Variants in WDFY3 observed in about 807,000 individuals in gnomAD.
WDFY3 encodes the protein WD repeat and FYVE domain-containing protein 3.
Under a neutral mutation model 409.6 loss-of-function variants are expected in WDFY3, and 66 were observed. The ratio of observed to expected loss-of-function variants is 0.16; its 90% CI spans 0.13 to 0.20. The LOEUF is 0.20. Ranked by LOEUF, WDFY3 falls within the 10% of genes least tolerant of loss-of-function variation. WDFY3 has a pLI of 1.00. For missense variants in WDFY3, 3,031 were observed against 4,298.1 expected (o/e 0.71, Z 8.24); for synonymous variants, 1,521 against 1,537.1 (o/e 0.99, Z 0.25).
At chr4:84,863,778 A>G (rs976181092) in intron 3 of WDFY3, among the ~76,000 whole-genome samples, 3 of 152,156 alleles carry the variant, frequency 2.0e-5, no homozygotes, top group Non-Finnish European at 2.9e-5. Flanking sequence ...AGTTTTCCCA[A>G]CACCATTTAT....
intron 1 of WDFY3, among the ~76,000 whole-genome samples, chr4:84,956,174 C>A (rs1774215987): frequency 6.6e-6 from 1 of 152,160 alleles, no homozygotes; most frequent in East Asian, 1.9e-4. Context: ...GGAAGCTGGG[C>A]CTGGTATTAA....
chr4:84,741,001 C>A (rs1738312775), intron 38 of WDFY3, among the ~76,000 whole-genome samples: 1 of 152,112 alleles, frequency 6.6e-6, no homozygotes. Flanking sequence ...TTGTGCCAAA[C>A]CAGGCCAAAC....
intron 15 of WDFY3, among the ~76,000 whole-genome samples, chr4:84,807,519 G>A (rs1751715631): frequency 6.6e-6 from 1 of 152,046 alleles, no homozygotes; most frequent in Non-Finnish European, 1.5e-5. Context: ...CAACAATATA[G>A]CAGAACCTTG....
intron 1 of WDFY3, among the ~76,000 whole-genome samples, chr4:84,957,099 T>C (rs1044302171): frequency 2.6e-5 from 4 of 151,140 alleles, no homozygotes; most frequent in Non-Finnish European, 4.4e-5. Context: ...TATAGAGATA[T>C]AAAACCAAGG....
chr4:84,862,434 T>C (rs1760773938), intron 3 of WDFY3, among the ~76,000 whole-genome samples: 1 of 152,232 alleles, frequency 6.6e-6, no homozygotes, highest in Non-Finnish European at 1.5e-5. Context: ...ATGTATCTTA[T>C]TCTTGAAAAA....
intron 2 of WDFY3, among the ~76,000 whole-genome samples, chr4:84,901,125 C>A (rs1766283738): frequency 1.3e-5 from 2 of 152,108 alleles, no homozygotes; most frequent in South Asian, 4.2e-4. Context: ...CATAAAGGCT[C>A]GTTTAGAAGG....
chr4:84,796,576 C>A lies in WDFY3; in HGVS notation c.3112G>T (p.Gly1038Trp), dbSNP rs753466279. ...ACAAAAGCTGGAGTAACTGATGACC[C>A]ATGAAGTCTGATGTCATGTGGGGTT... The part of the protein sequence containing the change: ...MTTPHDIRLH[G>W]SSVTPAFVEF... Residue 1038 changes from glycine to tryptophan, a missense_variant, in exon 19 of 68, where the codon GGG becomes TGG. Physicochemically the swap from Gly to Trp is radical, Grantham distance 184 (BLOSUM62 -2). Coordinates refer to ENST00000295888, the MANE Select transcript of WDFY3 (RefSeq NM_014991.6). The A allele has an allele frequency of 3.1e-6, 5 of 1,612,810 alleles. No individual in the cohort carries two copies. Among genetic ancestry groups the A allele is most frequent in the Non-Finnish European group, 4.2e-6 (5 of 1,179,314 alleles).
At chr4:84,761,459 C>T in intron 32 of WDFY3, among the ~76,000 whole-genome samples, 1 of 152,098 alleles carries the variant, frequency 6.6e-6, no homozygotes, top group South Asian at 2.1e-4. Context: ...TTGTAGGTCA[C>T]TCAGGACTTG....
chr4:84,925,492 A>G (rs1202161451), intron 2 of WDFY3, among the ~76,000 whole-genome samples: 1 of 152,190 alleles, frequency 6.6e-6, no homozygotes, highest in Non-Finnish European at 1.5e-5. Context: ...AGAGAGAAAG[A>G]AAAAGAGAGG....
chr4:84,684,082 C>G lies in WDFY3; in HGVS notation c.9587G>C (p.Ser3196Thr). 6.2e-7 allele frequency: 1 copy of G among 1,611,156 alleles called. No individual in the cohort carries two copies. Among genetic ancestry groups the G allele is most frequent in the South Asian group, 1.1e-5 (1 of 90,906 alleles). The change falls in exon 63 of 68, where the codon AGC becomes ACC. Residue 3196 changes from serine to threonine, a missense_variant. By Grantham distance (58) the Ser-to-Thr change is moderately conservative (BLOSUM62 1). Transcript: ENST00000295888. The stretch of plus-strand genomic sequence containing the variant: ...ACTCACGATAGGGTTCCCATTGATG[C>G]TCCACACATGGATATATGTGCCAGC... Reference protein sequence around the residue: ...SCAGTYIHVWSINGNPIVSVN... With the variant: ...SCAGTYIHVWTINGNPIVSVN...
chr4:84,939,232 T>C (rs572131326), intron 1 of WDFY3, among the ~76,000 whole-genome samples: 1 of 152,280 alleles, frequency 6.6e-6, no homozygotes, highest in South Asian at 2.1e-4. Flanking sequence ...GTCGAATGTT[T>C]CCTCGTGATT....
chr4:84,778,249 G>A (rs1254196689), intron 27 of WDFY3, among the ~76,000 whole-genome samples: 1 of 152,096 alleles, frequency 6.6e-6, no homozygotes, highest in Non-Finnish European at 1.5e-5. Flanking sequence ...TAATGCCACT[G>A]CCAGCAGCAA....
intron 1 of WDFY3, among the ~76,000 whole-genome samples, chr4:84,945,851 T>C (rs898290716): frequency 6.6e-6 from 1 of 152,270 alleles, no homozygotes; most frequent in Non-Finnish European, 1.5e-5. Context: ...GAAATACTTA[T>C]ACCAAGAAAC....
chr4:84,759,294 T>C (rs1445883078), intron 32 of WDFY3, among the ~76,000 whole-genome samples: 2 of 152,176 alleles, frequency 1.3e-5, no homozygotes, highest in African/African-American at 4.8e-5. Flanking sequence ...CGGGCTCTTT[T>C]TTGGTTCCAT....
At chr4:84,758,377 C>T (rs1741822939) in intron 32 of WDFY3, among the ~76,000 whole-genome samples, 1 of 152,144 alleles carries the variant, frequency 6.6e-6, no homozygotes, top group Non-Finnish European at 1.5e-5. Context: ...TCCCCAGTAG[C>T]TAGCACTACA....
At chr4:84,963,564 G>C (rs946986727) in intron 1 of WDFY3, among the ~76,000 whole-genome samples, 6 of 152,144 alleles carry the variant, frequency 3.9e-5, no homozygotes, top group African/African-American at 1.4e-4. Context: ...TTTCAGACTA[G>C]CATCATTAAC....
chr4:84,826,823 G>A lies in WDFY3; in HGVS notation c.1115C>T (p.Ala372Val). The A allele has an allele frequency of 6.3e-7, 1 of 1,596,562 alleles. No individual in the cohort carries two copies. Among genetic ancestry groups the A allele is most frequent in the Admixed American group, 1.8e-5 (1 of 54,318 alleles). The change falls in exon 10 of 68, where the codon GCA becomes GTA. Residue 372 changes from alanine (A) to valine (V), a missense_variant. Coordinates refer to ENST00000295888, the MANE Select transcript of WDFY3 (RefSeq NM_014991.6). The part of the protein sequence containing the change: ...LLPGFAVPQP[A>V]GKGHSVRNVQ... ...GAAAAAACAAGACTCACCTTTGCCT[G>A]CAGGCTGAGGTACTGCAAATCCAGG...
intron 63 of WDFY3, chr4:84,682,676 A>G: frequency 1.9e-6 from 1 of 539,630 alleles, no homozygotes. Flanking sequence ...AAAAGATTAT[A>G]GTCATATTAG....
intron 15 of WDFY3, among the ~76,000 whole-genome samples, chr4:84,807,781 G>A (rs1751763107): frequency 6.6e-6 from 1 of 151,918 alleles, no homozygotes; most frequent in Non-Finnish European, 1.5e-5. Context: ...AGTAAGTATT[G>A]GGGTGGGTTT....
Sources: allele counts gnomAD v4.1 joint callset (sites outside exome capture counted in the v4.1 genomes callset), GRCh38; gene constraint gnomAD v4.1.1; transcripts MANE v1.5; gene names NCBI Gene and HGNC (gene_info 2026-07-23, HGNC 2026-07-21).